The following TENM2 variants were observed in gnomAD, a reference collection of about 807,000 sequenced individuals.
The protein encoded by TENM2 is teneurin-2.
In TENM2, 52 loss-of-function variants were observed where a neutral mutation model predicts 245.2. That is an observed-to-expected ratio of 0.21 (90% CI 0.17 to 0.27). TENM2 has a LOEUF of 0.27. Ranked by LOEUF, TENM2 falls within the 10% of genes least tolerant of loss-of-function variation. The probability of loss-of-function intolerance (pLI) is 1.00; values close to 1 mark genes in which losing one functional copy is unlikely to be tolerated. For synonymous variants in TENM2, 1,363 were observed against 1,438.9 expected (o/e 0.95, Z 1.19); for missense variants, 3,046 against 3,666.8 (o/e 0.83, Z 4.37).
chr5:168,054,806 G>C (rs540989624), intron 6 of TENM2, among the ~76,000 whole-genome samples: 1 of 152,296 alleles, frequency 6.6e-6, no homozygotes, highest in East Asian at 1.9e-4. Flanking sequence ...ATCTTCCGTG[G>C]AGTTATAGAG....
At chr5:168,260,829 G>A (rs779965069) in intron 28 of TENM2, among the ~76,000 whole-genome samples, 10 of 152,066 alleles carry the variant, frequency 6.6e-5, no homozygotes, top group Non-Finnish European at 1.2e-4. Context: ...ATAAAACCTC[G>A]GCGCTTTATG....
At chr5:167,752,994 A>T (rs1762059375) in intron 2 of TENM2, among the ~76,000 whole-genome samples, 1 of 152,130 alleles carries the variant, frequency 6.6e-6, no homozygotes, top group Non-Finnish European at 1.5e-5. Context: ...AGCCAAGGGG[A>T]TGGTTGGCTA....
At chr5:167,772,383 T>A (rs1490034872) in intron 2 of TENM2, among the ~76,000 whole-genome samples, 3 of 152,206 alleles carry the variant, frequency 2.0e-5, no homozygotes, top group Non-Finnish European at 4.4e-5. Flanking sequence ...GGTGAGCTTT[T>A]TTCTCTGACC....
intron 2 of TENM2, among the ~76,000 whole-genome samples, chr5:167,420,964 T>C (rs1355188799): frequency 1.3e-5 from 2 of 152,178 alleles, no homozygotes; most frequent in Non-Finnish European, 2.9e-5. Context: ...AGTAAAAACG[T>C]GGACACATAC....
intron 3 of TENM2, among the ~76,000 whole-genome samples, chr5:167,930,770 T>TA (rs199742305): frequency 0.042 from 6,280 of 150,032 alleles, 195 homozygotes; most frequent in South Asian, 0.1. Context: ...TTTTTTTTTT[T>TA]TAAAAAAGCA....
At chr5:167,271,696 C>G in the TENM2 span, among the ~76,000 whole-genome samples, 1 of 152,138 alleles carries the variant, frequency 6.6e-6, no homozygotes, top group African/African-American at 2.4e-5. Flanking sequence ...TCTGCTCTCA[C>G]CATTTCCTGT....
the TENM2 span, among the ~76,000 whole-genome samples, chr5:167,127,864 T>C: frequency 6.6e-6 from 1 of 152,172 alleles, no homozygotes; most frequent in African/African-American, 2.4e-5. Context: ...ATACTAATGC[T>C]GTCCAGGGGA....
intron 2 of TENM2, among the ~76,000 whole-genome samples, chr5:167,474,519 CT>C (rs35361317): frequency 2.7e-5 from 4 of 147,538 alleles, no homozygotes; most frequent in South Asian, 4.3e-4. Flanking sequence ...AATAAGTAGA[CT>C]TTTTTTTTTT....
chr5:167,398,462 G>T (rs1291393025), intron 2 of TENM2, among the ~76,000 whole-genome samples: 7 of 125,458 alleles, frequency 5.6e-5, no homozygotes, highest in South Asian at 2.6e-4. Context: ...ACAGGGTCTT[G>T]CTCTGTTGTG....
intron 2 of TENM2, among the ~76,000 whole-genome samples, chr5:167,407,753 G>T (rs904391756): frequency 2.0e-5 from 3 of 152,098 alleles, no homozygotes; most frequent in African/African-American, 4.8e-5. Flanking sequence ...GGAGGTGGAG[G>T]TTGCAGTGAG....
intron 27 of TENM2, 59 bp downstream of exon 29, chr5:168,248,430 G>C: frequency 6.6e-7 from 1 of 1,520,076 alleles, no homozygotes; most frequent in Non-Finnish European, 8.9e-7. Flanking sequence ...TGTTGCTGTG[G>C]GGAACTTGGG....
intron 7 of TENM2, among the ~76,000 whole-genome samples, chr5:168,066,149 G>T (rs542617952): frequency 1.3e-5 from 2 of 152,314 alleles, no homozygotes; most frequent in East Asian, 3.9e-4. Context: ...CAAGAACTTT[G>T]CTCAATGTCA....
intron 2 of TENM2, among the ~76,000 whole-genome samples, chr5:167,487,803 G>T (rs1768172635): frequency 6.6e-6 from 1 of 152,080 alleles, no homozygotes; most frequent in South Asian, 2.1e-4. Context: ...CTGCTCCCAA[G>T]TCTGGGTTGC....
intron 13 of TENM2, among the ~76,000 whole-genome samples, chr5:168,182,314 C>G (rs1042736386): frequency 6.6e-6 from 1 of 152,338 alleles, no homozygotes; most frequent in Non-Finnish European, 1.5e-5. Context: ...CAGTACCTTT[C>G]TCTCGTGGAG....
At chr5:168,223,593 G>A (rs1008709362) in intron 23 of TENM2, among the ~76,000 whole-genome samples, 5 of 150,910 alleles carry the variant, frequency 3.3e-5, no homozygotes, top group South Asian at 2.1e-4. Flanking sequence ...TCAGTCTCCC[G>A]AGCACTGGGA....
At position 167,877,943 on chromosome 5, in the gene TENM2, C is replaced by A. The variant is rs557209395; in HGVS notation, c.712+1748C>A. Among the ~76,000 whole-genome samples the A allele has an allele frequency of 2.0e-5, 3 of 152,082 alleles. No individual in the cohort carries two copies. The South Asian group carries it at 6.2e-4, about 32-fold the overall frequency. On this transcript the variant is annotated intron_variant, in intron 3 of 28. Coordinates refer to ENST00000518659, the Ensembl canonical transcript of TENM2. ...GTGATGAATATTGTATTATGAAGGA[C>A]AAGAGGCTTTTGAAATGAGGTGCAC... is the stretch of plus-strand genomic sequence containing the variant.
chr5:168,074,838 A>G lies in TENM2; in HGVS notation c.1515+12573A>G, dbSNP rs370421335. Among the ~76,000 whole-genome samples the G allele has an allele frequency of 9.7e-4, 148 of 152,326 alleles. 4 individuals carry two copies. In the South Asian group the frequency reaches 0.029, roughly 30 times the overall value. ...ATGCCTCCATAAGCCCTTTCCTGAC[A>G]AGCGAATCTACAACAGAATCCTCCT... On this transcript the variant is annotated intron_variant, in intron 7 of 28. Transcript: ENST00000518659.
At chr5:167,837,407 G>T (rs181370380) in intron 2 of TENM2, among the ~76,000 whole-genome samples, 2 of 151,916 alleles carry the variant, frequency 1.3e-5, no homozygotes, top group Non-Finnish European at 2.9e-5. Flanking sequence ...ATCAAAATAC[G>T]CTCTCTCATC....
chr5:166,979,599 G>T, the TENM2 span, among the ~76,000 whole-genome samples: 2 of 151,896 alleles, frequency 1.3e-5, no homozygotes, highest in African/African-American at 4.8e-5. Context: ...TTTCCTTTCT[G>T]TTGCTCCTCA....
Sources: gnomAD v4.1 joint callset for allele counts (sites outside exome capture counted in the v4.1 genomes callset) on GRCh38, gnomAD v4.1.1 for gene constraint, MANE v1.5 for transcripts, NCBI Gene and HGNC (gene_info 2026-07-23, HGNC 2026-07-21) for gene names.